The following TRPC4 variants were observed in gnomAD, a reference collection of about 807,000 sequenced individuals.
TRPC4 encodes the protein short transient receptor potential channel 4.
TRPC4 carries 49 observed loss-of-function variants against 99.4 expected under a neutral mutation model. The ratio of observed to expected loss-of-function variants is 0.49; its 90% confidence interval spans 0.39 to 0.63. The LOEUF (loss-of-function observed/expected upper bound fraction) is 0.63. Ranked by LOEUF, TRPC4 falls within the 20% of genes least tolerant of loss-of-function variation. The pLI is 0.00. For synonymous variants in TRPC4, 454 were observed against 425.9 expected, an observed-to-expected ratio of 1.07 and a Z score of -0.81; for missense variants, 898 against 1,152.9, an observed-to-expected ratio of 0.78 and a Z score of 3.20.
chr13:37,823,536 C>T lies in TRPC4; in HGVS notation c.-27-40176G>A, dbSNP rs1233939855. 6.6e-5 allele frequency among the ~76,000 whole-genome samples: 10 copies of T among 151,766 alleles called. No individual in the cohort carries two copies. The South Asian group carries it at 1.9e-3, about 29-fold the overall frequency. On this transcript the variant is annotated intron_variant, in intron 1 of 10. Coordinates refer to ENST00000379705, the MANE Select transcript of TRPC4 (RefSeq NM_016179.4). ...CCATTTATTAAATAGGGAATCCTTT[C>T]CCCATTGCTTGTTTTTCTCAGGTTT...
At chr13:37,735,344 T>C (rs866399712) in intron 3 of TRPC4, among the ~76,000 whole-genome samples, 15 of 152,160 alleles carry the variant, frequency 9.9e-5, no homozygotes, top group Admixed American at 3.9e-4. Flanking sequence ...TCTATTGGCT[T>C]TCTGTATTTT....
At chr13:37,749,456 T>A (rs962864010) in intron 2 of TRPC4, among the ~76,000 whole-genome samples, 15 of 152,138 alleles carry the variant, frequency 9.9e-5, no homozygotes, top group Admixed American at 3.3e-4. Flanking sequence ...GAACTGATTG[T>A]CTTAGCTGGA....
In TRPC4 at chr13:37,783,225, A is replaced by C. The variant is rs777267356; in HGVS notation, c.109T>G (p.Leu37Val). ...SELSPSEKAY[L>V]NAVEKGDYAS... Reference sequence around the variant, plus strand: ...TAATCTCCCTTTTCCACAGCATTCAAGTAGGCTTTTTCTGATGGCGAGAGT... The same window carrying C: ...TAATCTCCCTTTTCCACAGCATTCACGTAGGCTTTTTCTGATGGCGAGAGT... The change falls in exon 2 of 11, where the codon TTG becomes GTG. Residue 37 changes from leucine (L) to valine (V), a missense_variant. By Grantham distance (32) the Leu-to-Val change is conservative. Coordinates refer to ENST00000379705, the MANE Select transcript of TRPC4 (RefSeq NM_016179.4). 9 of 1,613,574 alleles carry C rather than the reference A, an allele frequency of 5.6e-6. No individual in the cohort carries two copies. Among genetic ancestry groups the C allele is most frequent in the Non-Finnish European group, 7.6e-6 (9 of 1,179,772 alleles).
intron 4 of TRPC4, among the ~76,000 whole-genome samples, chr13:37,691,115 T>C (rs1330383824): frequency 6.6e-6 from 1 of 152,168 alleles, no homozygotes; most frequent in Non-Finnish European, 1.5e-5. Flanking sequence ...CCTTTCTTTT[T>C]TTTTGAGACA....
intron 4 of TRPC4, among the ~76,000 whole-genome samples, chr13:37,688,316 A>C (rs950598336): frequency 6.6e-6 from 1 of 152,216 alleles, no homozygotes; most frequent in African/African-American, 2.4e-5. Flanking sequence ...GAACTTCAAC[A>C]AGAAAGATAC....
At chr13:37,794,079 T>G (rs886267904) in intron 1 of TRPC4, among the ~76,000 whole-genome samples, 2 of 152,150 alleles carry the variant, frequency 1.3e-5, no homozygotes, top group Non-Finnish European at 2.9e-5. Flanking sequence ...ATAATCATAC[T>G]ATGATAAGTG....
intron 1 of TRPC4, among the ~76,000 whole-genome samples, chr13:37,789,930 G>C (rs1957071182): frequency 1.3e-5 from 2 of 152,048 alleles, no homozygotes; most frequent in South Asian, 4.1e-4. Context: ...AGCAATTTGA[G>C]TATCTTATAA....
chr13:37,730,358 C>A (rs1425850896), intron 3 of TRPC4, among the ~76,000 whole-genome samples: 1 of 151,786 alleles, frequency 6.6e-6, no homozygotes, highest in Non-Finnish European at 1.5e-5. Flanking sequence ...GAAAACCCTG[C>A]TGTTATGTTT....
At chr13:37,651,057 G>C (rs1165747214) in intron 8 of TRPC4, among the ~76,000 whole-genome samples, 1 of 152,154 alleles carries the variant, frequency 6.6e-6, no homozygotes, top group African/African-American at 2.4e-5. Context: ...AAATAGTAGT[G>C]ACTGCCCTCG....
At chr13:37,808,676 G>A (rs1957594462) in intron 1 of TRPC4, among the ~76,000 whole-genome samples, 1 of 151,994 alleles carries the variant, frequency 6.6e-6, no homozygotes, top group South Asian at 2.1e-4. Flanking sequence ...CTCCAAGTAA[G>A]GGAAATACAA....
At chr13:37,795,530 G>A (rs1441498754) in intron 1 of TRPC4, among the ~76,000 whole-genome samples, 2 of 152,152 alleles carry the variant, frequency 1.3e-5, no homozygotes, top group African/African-American at 4.8e-5. Context: ...CTTGCTGGAG[G>A]AGGTGGAGCT....
At chr13:37,741,819 T>G (rs543376880) in intron 3 of TRPC4, among the ~76,000 whole-genome samples, 10 of 152,096 alleles carry the variant, frequency 6.6e-5, no homozygotes, top group Admixed American at 6.6e-4. Context: ...GGCAATATGG[T>G]GTGATGGTTA....
intron 3 of TRPC4, among the ~76,000 whole-genome samples, chr13:37,719,142 T>C (rs574451766): frequency 6.6e-6 from 1 of 152,222 alleles, no homozygotes; most frequent in South Asian, 2.1e-4. Flanking sequence ...AAATGCTGAC[T>C]ACGAAAGACA....
At chr13:37,793,923 A>G (rs1306447733) in intron 1 of TRPC4, among the ~76,000 whole-genome samples, 1 of 152,190 alleles carries the variant, frequency 6.6e-6, no homozygotes, top group Non-Finnish European at 1.5e-5. Flanking sequence ...AAAAGTAAAC[A>G]CAATTCTGCT....
At chr13:37,718,046 G>C (rs1373400032) in intron 3 of TRPC4, among the ~76,000 whole-genome samples, 4 of 151,958 alleles carry the variant, frequency 2.6e-5, no homozygotes. Flanking sequence ...CAAGAACTCT[G>C]AAAATATGAA....
rs563424321 is a variant in TRPC4 at position 37,661,759 on chromosome 13, C to CAA, written c.1688+1656_1688+1657insTT. Among the ~76,000 whole-genome samples, 499 of 148,184 alleles carry CAA rather than the reference C, an allele frequency of 3.4e-3. 3 individuals carry two copies. Among genetic ancestry groups the CAA allele is most frequent in the African/African-American group, 0.012 (486 of 40,742 alleles). On this transcript the variant is annotated intron_variant, in intron 6 of 10. Transcript: ENST00000379705. ...GTCTGACCATTGTAAATCTCTAATC[C>CAA]GTTTCCCTGGCCAAGTTGCAAGTCA...
At chr13:37,703,383 A>G (rs1313145522) in intron 3 of TRPC4, among the ~76,000 whole-genome samples, 1 of 152,146 alleles carries the variant, frequency 6.6e-6, no homozygotes, top group East Asian at 1.9e-4. Flanking sequence ...CCATCCATTC[A>G]TAGCATAATT....
chr13:37,722,162 G>A (rs1954890234), intron 3 of TRPC4, among the ~76,000 whole-genome samples: 1 of 152,174 alleles, frequency 6.6e-6, no homozygotes, highest in Admixed American at 6.5e-5. Context: ...TTACACAGTA[G>A]TAACTCTCAG....
At chr13:37,715,886 C>G (rs1453609094) in intron 3 of TRPC4, among the ~76,000 whole-genome samples, 2 of 152,116 alleles carry the variant, frequency 1.3e-5, no homozygotes, top group Non-Finnish European at 2.9e-5. Context: ...GAATTGCTTG[C>G]TAGGAATTAT....
Sources: allele counts gnomAD v4.1 joint callset (sites outside exome capture counted in the v4.1 genomes callset), GRCh38; gene constraint gnomAD v4.1.1; transcripts MANE v1.5; gene names NCBI Gene and HGNC (gene_info 2026-07-23, HGNC 2026-07-21).